Variants in AKAP9 observed in about 807,000 individuals in gnomAD.
AKAP9 encodes A-kinase anchor protein 9.
Under a neutral mutation model 488.5 loss-of-function variants are expected in AKAP9, and 311 were observed. That is an observed-to-expected ratio of 0.64 (90% CI 0.58 to 0.70). The LOEUF (loss-of-function observed/expected upper bound fraction) is 0.70. Among genes scored for constraint, AKAP9 ranks in the 30% least tolerant of loss-of-function variants. The pLI is 0.00. For synonymous variants in AKAP9, 1,462 were observed against 1,483.5 expected (o/e 0.99, Z 0.33); for missense variants, 4,215 against 4,374.5 (o/e 0.96, Z 1.03).
At position 92,079,345 on chromosome 7, in the gene AKAP9, CG is replaced by C; in HGVS notation, c.7213del (p.Ala2405LeufsTer5). On this transcript the variant is annotated frameshift_variant, in exon 31 of 50. Transcript: ENST00000356239. LOFTEE classifies it high-confidence loss of function. ...TGGCCTTGGAACAGCAAGTAGAAACCGCTAATGAAGAAATGACCTTCATGAA... is the reference window on the plus strand; with the variant it reads ...TGGCCTTGGAACAGCAAGTAGAAACCCTAATGAAGAAATGACCTTCATGAA... ...KLALEQQVET[A>X]NEEMTFMKNV... 6.2e-7 allele frequency: 1 copy of C among 1,613,922 alleles called. No individual in the cohort carries two copies. The highest frequency in any genetic ancestry group is 8.5e-7 in the Non-Finnish European group (1 of 1,179,982).
chr7:92,022,323 A>G lies in AKAP9; in HGVS notation c.3923A>G (p.His1308Arg). 6.2e-7 allele frequency: 1 copy of G among 1,612,712 alleles called. No individual in the cohort carries two copies. Among genetic ancestry groups the G allele is most frequent in the African/African-American group, 1.3e-5 (1 of 75,012 alleles). ...GAGGAAACAGAGTTTTTATCAATCCATTCTCAGATGACCAATTTGGAAGAC... is the reference window on the plus strand; with the variant it reads ...GAGGAAACAGAGTTTTTATCAATCCGTTCTCAGATGACCAATTTGGAAGAC... ...PKEETEFLSI[H>R]SQMTNLEDID... is the part of the protein sequence containing the mutation. The change falls in exon 13 of 50, where the codon CAT becomes CGT. Residue 1308 changes from histidine to arginine, a missense_variant. By Grantham distance (29) the His-to-Arg change is conservative (BLOSUM62 0). Transcript: ENST00000356239.
At chr7:92,058,277 C>G (rs757254772) in intron 22 of AKAP9, 3 of 585,848 alleles carry the variant, frequency 5.1e-6, no homozygotes, top group Non-Finnish European at 6.8e-6. Context: ...TTTACCACAT[C>G]CTTTTCCTCT....
At chr7:91,957,422 T>G (rs941286669) in intron 1 of AKAP9, among the ~76,000 whole-genome samples, 1 of 152,190 alleles carries the variant, frequency 6.6e-6, no homozygotes, top group South Asian at 2.1e-4. Flanking sequence ...ATTTCTGAGT[T>G]TCCTAAAATA....
intron 17 of AKAP9, 24 bp from the exon 18 acceptor site, chr7:92,040,650 T>G (rs1563032442): frequency 5.7e-5 from 81 of 1,417,728 alleles, no homozygotes; most frequent in Non-Finnish European, 6.6e-5. Context: ...TGAATTGTTT[T>G]TTTTTTTTTT....
At position 91,980,495 on chromosome 7, in the gene AKAP9, C is replaced by CTTTTTTTTTTTTTTTTTTTTTTTTT. The variant is rs60385804; in HGVS notation, c.351+185_351+186insTTTTTTTTTTTTTTTTTTTTTTTTT. On this transcript the variant is annotated intron_variant, in intron 3 of 49. Transcript: ENST00000356239. ...GAACCTGAGGATTATGTATTACTGA[C>CTTTTTTTTTTTTTTTTTTTTTTTTT]TTTTTTTTTTTTTTTTTTTTTTTCA... Among the ~76,000 whole-genome samples, 3 of 48,766 alleles carry CTTTTTTTTTTTTTTTTTTTTTTTTT rather than the reference C, an allele frequency of 6.2e-5. 1 individual carries two copies. The highest frequency in any genetic ancestry group is 9.9e-5 in the Non-Finnish European group (3 of 30,216). 32.0% of individuals were successfully genotyped at this position (48,766 alleles called of 152,430 possible). A position where few individuals can be genotyped will look rare whatever the true frequency, so the allele number is the denominator to read the frequency against.
In AKAP9 at chr7:91,999,139, G is replaced by A. The variant is rs138508510; in HGVS notation, c.931-1709G>A. Among the ~76,000 whole-genome samples, 537 of 152,270 alleles carry A rather than the reference G, an allele frequency of 3.5e-3. 4 individuals are homozygous for A. Among genetic ancestry groups the A allele is most frequent in the African/African-American group, 0.012 (508 of 41,552 alleles). On this transcript the variant is annotated intron_variant, in intron 7 of 49. Coordinates refer to ENST00000356239, the MANE Select transcript of AKAP9 (RefSeq NM_005751.5). ...ACAGAATCTGGCCTTCGACTTGTAGGTTCAGAAGTCTGATTTTTTTTTCCC... is the reference window on the plus strand; with the variant it reads ...ACAGAATCTGGCCTTCGACTTGTAGATTCAGAAGTCTGATTTTTTTTTCCC...
At chr7:92,072,310 G>A (rs1266778172) in intron 28 of AKAP9, among the ~76,000 whole-genome samples, 3 of 152,136 alleles carry the variant, frequency 2.0e-5, no homozygotes, top group South Asian at 4.1e-4. Flanking sequence ...GTTTTTTATA[G>A]ATAAGGAGAG....
intron 1 of AKAP9, among the ~76,000 whole-genome samples, chr7:91,966,399 C>G (rs1209890068): frequency 6.6e-6 from 1 of 152,068 alleles, no homozygotes; most frequent in Non-Finnish European, 1.5e-5. Context: ...TAGTTTCATT[C>G]TTCTACATAT....
Position 92,070,025 on chromosome 7 carries a change from T to G in AKAP9, c.6331-5T>G. 1.9e-6 allele frequency: 3 copies of G among 1,611,178 alleles called. No homozygotes were observed. The East Asian group carries it at 6.7e-5, about 36-fold the overall frequency. On this transcript the variant is annotated splice_region_variant and splice_polypyrimidine_tract_variant and intron_variant, in intron 26 of 49. Coordinates refer to ENST00000356239, the MANE Select transcript of AKAP9 (RefSeq NM_005751.5). ...AAATTAAATTTTTTGCCTCTTATAT[T>G]TCAGGTTGAACAGTTAGCAAATCAT...
intron 7 of AKAP9, among the ~76,000 whole-genome samples, chr7:91,999,296 G>C (rs1798830851): frequency 6.6e-6 from 1 of 152,160 alleles, no homozygotes; most frequent in Non-Finnish European, 1.5e-5. Flanking sequence ...TGAGATCTCA[G>C]CTCACTGCAA....
intron 1 of AKAP9, among the ~76,000 whole-genome samples, chr7:91,955,600 C>T (rs987961986): frequency 6.6e-6 from 1 of 152,174 alleles, no homozygotes; most frequent in Non-Finnish European, 1.5e-5. Flanking sequence ...GCATAGTATT[C>T]CATTATAGGA....
At chr7:91,997,548 A>G (rs1798547524) in intron 7 of AKAP9, among the ~76,000 whole-genome samples, 2 of 152,346 alleles carry the variant, frequency 1.3e-5, no homozygotes, top group South Asian at 4.1e-4. Context: ...GACTTTTTAG[A>G]TAGAGTGTGG....
At chr7:92,098,561 T>G (rs1283233736) in intron 43 of AKAP9, among the ~76,000 whole-genome samples, 1 of 152,250 alleles carries the variant, frequency 6.6e-6, no homozygotes, top group African/African-American at 2.4e-5. Flanking sequence ...GTGAATCTTT[T>G]CAGTTTATCT....
At chr7:91,965,787 A>G (rs1270546169) in intron 1 of AKAP9, among the ~76,000 whole-genome samples, 1 of 152,162 alleles carries the variant, frequency 6.6e-6, no homozygotes, top group African/African-American at 2.4e-5. Context: ...GATTAGTAAC[A>G]TTGAGCATTG....
chr7:91,941,884 G>T (rs1249841052), intron 1 of AKAP9, among the ~76,000 whole-genome samples: 6 of 147,480 alleles, frequency 4.1e-5, no homozygotes, highest in Admixed American at 4.1e-4. Flanking sequence ...AATCCTGGTT[G>T]TGTGTGTGTG....
intron 12 of AKAP9, among the ~76,000 whole-genome samples, chr7:92,018,204 AT>A (rs1017163276): frequency 6.6e-5 from 10 of 151,214 alleles, no homozygotes; most frequent in East Asian, 3.9e-4. Flanking sequence ...ATTTTATATG[AT>A]TTTTTTTTCT....
chr7:92,006,593 TG>T (rs1179316522), intron 8 of AKAP9, among the ~76,000 whole-genome samples: 1 of 152,150 alleles, frequency 6.6e-6, no homozygotes, highest in Non-Finnish European at 1.5e-5. Flanking sequence ...CCTTTATTGA[TG>T]GGAAGGGAAG....
At chr7:92,018,114 C>G (rs767320261) in intron 12 of AKAP9, among the ~76,000 whole-genome samples, 3 of 152,148 alleles carry the variant, frequency 2.0e-5, no homozygotes, top group Non-Finnish European at 4.4e-5. Flanking sequence ...CCAAAAGGAG[C>G]GGCGGCTGCC....
chr7:91,940,898 C>A lies in AKAP9; in HGVS notation c.-202C>A. ...GAGACGAAGATGGCGGCGGCGGCGGCGGTGACGGCGCTTCCCGTGCGGCTG... is the reference window on the plus strand; with the variant it reads ...GAGACGAAGATGGCGGCGGCGGCGGAGGTGACGGCGCTTCCCGTGCGGCTG... On this transcript the variant is annotated 5_prime_UTR_variant, in exon 1 of 50. Transcript: ENST00000356239. 1 of 598,134 alleles carries A rather than the reference C, an allele frequency of 1.7e-6. No individual in the cohort carries two copies. Among genetic ancestry groups the A allele is most frequent in the Admixed American group, 2.8e-5 (1 of 35,488 alleles). The allele number at this position is 598,134 out of a possible 1,614,324, so 37.1% of individuals were successfully genotyped here.
Sources: gnomAD v4.1 joint callset for allele counts (sites outside exome capture counted in the v4.1 genomes callset) on GRCh38, gnomAD v4.1.1 for gene constraint, MANE v1.5 for transcripts, NCBI Gene and HGNC (gene_info 2026-07-23, HGNC 2026-07-21) for gene names.